CSTPP1: variants seen among roughly 807,000 people sequenced by gnomAD.
The protein encoded by CSTPP1 is UPF0705 protein C11orf49.
chr11:47,055,446 C>T, the CSTPP1 span, among the ~76,000 whole-genome samples: 2 of 137,896 alleles, frequency 1.5e-5, no homozygotes, highest in South Asian at 4.9e-4. Context: ...TTATGAGATT[C>T]CCCACCATGC....
the CSTPP1 span, among the ~76,000 whole-genome samples, chr11:47,038,999 G>A: frequency 3.3e-5 from 4 of 122,572 alleles, no homozygotes; most frequent in African/African-American, 1.0e-4. Flanking sequence ...CCGGGAAGAG[G>A]CGCTCCTCAC....
the CSTPP1 span, among the ~76,000 whole-genome samples, chr11:46,937,176 C>T: frequency 6.6e-6 from 1 of 152,170 alleles, no homozygotes; most frequent in Admixed American, 6.5e-5. Flanking sequence ...ACCTTGGAAC[C>T]TCAAGTGCCA....
At chr11:47,048,593 T>G in the CSTPP1 span, among the ~76,000 whole-genome samples, 58 of 151,966 alleles carry the variant, frequency 3.8e-4, no homozygotes, top group South Asian at 1.9e-3. Flanking sequence ...AGATATTACA[T>G]GATTCCACTT....
the CSTPP1 span, among the ~76,000 whole-genome samples, chr11:47,122,746 A>T: frequency 6.6e-6 from 1 of 151,984 alleles, no homozygotes; most frequent in African/African-American, 2.4e-5. Context: ...TGCCTGGCTA[A>T]TTTTTGTATT....
chr11:46,996,010 T>A, the CSTPP1 span, among the ~76,000 whole-genome samples: 1 of 152,228 alleles, frequency 6.6e-6, no homozygotes, highest in Non-Finnish European at 1.5e-5. Context: ...CTTGTTGAAT[T>A]GATCCCTTTA....
chr11:47,018,905 G>A, the CSTPP1 span, among the ~76,000 whole-genome samples: 1 of 151,900 alleles, frequency 6.6e-6, no homozygotes, highest in Non-Finnish European at 1.5e-5. Context: ...TTTGAGAGTT[G>A]TTTATATATT....
the CSTPP1 span, among the ~76,000 whole-genome samples, chr11:47,076,469 G>A: frequency 2.0e-5 from 3 of 152,088 alleles, no homozygotes; most frequent in African/African-American, 7.2e-5. Flanking sequence ...CACCAAATAG[G>A]AATGAACATA....
chr11:47,082,006 C>T, the CSTPP1 span, among the ~76,000 whole-genome samples: 6 of 146,814 alleles, frequency 4.1e-5, no homozygotes, highest in Admixed American at 1.4e-4. Context: ...AAGGTAATTG[C>T]GGCTTTTGCC....
the CSTPP1 span, among the ~76,000 whole-genome samples, chr11:47,152,455 C>T: frequency 6.6e-6 from 1 of 152,108 alleles, no homozygotes; most frequent in Admixed American, 6.5e-5. Context: ...CTGTTTATAG[C>T]TTCTAGTCCC....
the CSTPP1 span, chr11:46,948,273 G>A: frequency 2.5e-6 from 1 of 403,064 alleles, no homozygotes; most frequent in South Asian, 1.8e-5. Context: ...TGCCTCTTCT[G>A]TCCCATCTTA....
At chr11:47,119,330 G>A in the CSTPP1 span, among the ~76,000 whole-genome samples, 3 of 152,326 alleles carry the variant, frequency 2.0e-5, no homozygotes, top group South Asian at 2.1e-4. Context: ...GTATTTGGGC[G>A]GAGAGTGTCC....
the CSTPP1 span, among the ~76,000 whole-genome samples, chr11:47,034,436 C>G: frequency 6.6e-6 from 1 of 152,004 alleles, no homozygotes; most frequent in Admixed American, 6.6e-5. Flanking sequence ...GGCATTTTTC[C>G]CCTTAGCATC....
At chr11:47,038,062 G>A in the CSTPP1 span, among the ~76,000 whole-genome samples, 3 of 106,464 alleles carry the variant, frequency 2.8e-5, no homozygotes, top group African/African-American at 5.5e-5. Flanking sequence ...GGGCAGAGGC[G>A]CCCCTCACCT....
chr11:47,051,087 T>A, the CSTPP1 span, among the ~76,000 whole-genome samples: 1 of 152,206 alleles, frequency 6.6e-6, no homozygotes, highest in Non-Finnish European at 1.5e-5. Context: ...TTTTTTCCTG[T>A]TCCATTCAGA....
chr11:46,959,165 T>C, the CSTPP1 span, among the ~76,000 whole-genome samples: 1 of 152,038 alleles, frequency 6.6e-6, no homozygotes, highest in Non-Finnish European at 1.5e-5. Context: ...TCTGAGAATA[T>C]TAATTGTAGA....
chr11:46,962,597 A>G, the CSTPP1 span, among the ~76,000 whole-genome samples: 14 of 152,036 alleles, frequency 9.2e-5, no homozygotes, highest in African/African-American at 3.4e-4. Context: ...TTAGGCCTTT[A>G]ATTTCTTTCA....
the CSTPP1 span, among the ~76,000 whole-genome samples, chr11:47,143,599 T>C: frequency 6.6e-6 from 1 of 152,184 alleles, no homozygotes; most frequent in Non-Finnish European, 1.5e-5. Context: ...ACAGACTCCA[T>C]GACAGCAGCC....
At chr11:46,988,613 C>CAA in the CSTPP1 span, among the ~76,000 whole-genome samples, 1 of 151,812 alleles carries the variant, frequency 6.6e-6, no homozygotes, top group African/African-American at 2.4e-5. Context: ...TTGATGGTTA[C>CAA]AAAAAAGAAA....
chr11:46,973,436 TG>T, the CSTPP1 span, among the ~76,000 whole-genome samples: 1 of 152,166 alleles, frequency 6.6e-6, no homozygotes, highest in African/African-American at 2.4e-5. Flanking sequence ...TTCTCTTTCA[TG>T]GAAAACAAGT....
Sources: allele counts gnomAD v4.1 joint callset (sites outside exome capture counted in the v4.1 genomes callset), GRCh38; gene constraint gnomAD v4.1.1; transcripts MANE v1.5; gene names NCBI Gene and HGNC (gene_info 2026-07-23, HGNC 2026-07-21).